The following KIAA1328 variants were observed in gnomAD, a reference collection of about 807,000 sequenced individuals.
The protein encoded by KIAA1328 is protein hinderin.
Under a neutral mutation model 68.1 loss-of-function variants are expected in KIAA1328, and 52 were observed. The ratio of observed to expected loss-of-function variants is 0.76; its 90% CI spans 0.61 to 0.96. The LOEUF is 0.96. KIAA1328 is among the 40% of genes least tolerant of loss of function. KIAA1328 has a pLI of 0.00. For missense variants in KIAA1328, 641 were observed against 677.6 expected, an observed-to-expected ratio of 0.95 and a Z score of 0.60; for synonymous variants, 232 against 239.4, an observed-to-expected ratio of 0.97 and a Z score of 0.28.
intron 7 of KIAA1328, among the ~76,000 whole-genome samples, chr18:37,143,769 T>C (rs941423004): frequency 3.3e-5 from 5 of 152,098 alleles, no homozygotes; most frequent in Non-Finnish European, 5.9e-5. Flanking sequence ...TTTTTCGGCA[T>C]TTATTGATAT....
chr18:37,187,123 C>T (rs1599545475), intron 9 of KIAA1328, among the ~76,000 whole-genome samples: 1 of 151,718 alleles, frequency 6.6e-6, no homozygotes, highest in Non-Finnish European at 1.5e-5. Flanking sequence ...GAGATCATAC[C>T]ACTATACTCC....
chr18:37,050,511 A>G (rs1016021256), intron 6 of KIAA1328, among the ~76,000 whole-genome samples: 5 of 152,208 alleles, frequency 3.3e-5, no homozygotes, highest in Non-Finnish European at 7.3e-5. Flanking sequence ...AAAACCATGT[A>G]TAAGACTGCT....
intron 6 of KIAA1328, among the ~76,000 whole-genome samples, chr18:37,009,822 A>G (rs893012741): frequency 1.1e-4 from 17 of 152,164 alleles, no homozygotes; most frequent in Non-Finnish European, 1.5e-5. Context: ...ATAGCCCCAG[A>G]TTTTGTACTT....
intron 7 of KIAA1328, among the ~76,000 whole-genome samples, chr18:37,118,859 G>A (rs1181406290): frequency 6.6e-6 from 1 of 152,122 alleles, no homozygotes; most frequent in Non-Finnish European, 1.5e-5. Context: ...GGAGGAAACA[G>A]CACCATATAT....
At chr18:37,102,202 A>G (rs572121368) in intron 7 of KIAA1328, among the ~76,000 whole-genome samples, 10 of 152,350 alleles carry the variant, frequency 6.6e-5, no homozygotes. Flanking sequence ...GCTTCAACAT[A>G]TGCAATTCAC....
At chr18:36,917,906 G>A (rs1268594520) in intron 5 of KIAA1328, among the ~76,000 whole-genome samples, 1 of 152,210 alleles carries the variant, frequency 6.6e-6, no homozygotes, top group Non-Finnish European at 1.5e-5. Context: ...GTCCCTTCTA[G>A]TTGGCACCTC....
chr18:37,009,737 T>C (rs1343636718), intron 6 of KIAA1328, among the ~76,000 whole-genome samples: 1 of 152,148 alleles, frequency 6.6e-6, no homozygotes, highest in Non-Finnish European at 1.5e-5. Flanking sequence ...TTTATGGATA[T>C]AAGATGGATA....
chr18:37,179,801 A>G (rs2059663889), intron 9 of KIAA1328, among the ~76,000 whole-genome samples: 1 of 152,160 alleles, frequency 6.6e-6, no homozygotes, highest in South Asian at 2.1e-4. Context: ...TTAAAGTACC[A>G]GAACAACTGA....
intron 5 of KIAA1328, among the ~76,000 whole-genome samples, chr18:36,926,482 A>G (rs1379853603): frequency 6.6e-6 from 1 of 152,060 alleles, no homozygotes; most frequent in African/African-American, 2.4e-5. Flanking sequence ...GTCACATGAT[A>G]CCCACAAGGT....
At chr18:37,170,046 A>T (rs959055172) in intron 8 of KIAA1328, among the ~76,000 whole-genome samples, 3 of 152,060 alleles carry the variant, frequency 2.0e-5, no homozygotes, top group African/African-American at 7.2e-5. Flanking sequence ...TTCTACTCCT[A>T]TTTGTCTGTC....
intron 5 of KIAA1328, among the ~76,000 whole-genome samples, chr18:36,952,729 T>G (rs971951441): frequency 6.6e-6 from 1 of 152,084 alleles, no homozygotes; most frequent in Non-Finnish European, 1.5e-5. Flanking sequence ...GCTTGGCGGG[T>G]CTTTTTTGCA....
At chr18:37,095,706 AAAAAAATTGT>A (rs1373980811) in intron 7 of KIAA1328, among the ~76,000 whole-genome samples, 1 of 151,996 alleles carries the variant, frequency 6.6e-6, no homozygotes, top group African/African-American at 2.4e-5. Context: ...CCAATGAAAT[AAAAAAATTGT>A]ATTTTTTGGA....
chr18:36,934,311 T>C (rs1237415877), intron 5 of KIAA1328, among the ~76,000 whole-genome samples: 1 of 152,140 alleles, frequency 6.6e-6, no homozygotes, highest in Non-Finnish European at 1.5e-5. Flanking sequence ...ATATTTATTT[T>C]ATTTTATTAT....
chr18:37,088,768 A>G (rs1264358887), intron 7 of KIAA1328, among the ~76,000 whole-genome samples: 2 of 152,000 alleles, frequency 1.3e-5, no homozygotes, highest in Non-Finnish European at 2.9e-5. Flanking sequence ...GTATTTTTAT[A>G]TTATAAATTT....
At chr18:37,045,085 A>C (rs1375800643) in intron 6 of KIAA1328, among the ~76,000 whole-genome samples, 1 of 152,196 alleles carries the variant, frequency 6.6e-6, no homozygotes, top group African/African-American at 2.4e-5. Flanking sequence ...AGCACTAAAA[A>C]TCTCAGTAAG....
chr18:36,956,719 C>T (rs2051435054), intron 5 of KIAA1328, among the ~76,000 whole-genome samples: 1 of 152,142 alleles, frequency 6.6e-6, no homozygotes, highest in Non-Finnish European at 1.5e-5. Flanking sequence ...CTTGATTTTT[C>T]CAGAGTAAAA....
intron 6 of KIAA1328, among the ~76,000 whole-genome samples, chr18:36,971,552 C>T (rs1050505993): frequency 1.1e-4 from 16 of 152,062 alleles, no homozygotes; most frequent in African/African-American, 3.6e-4. Flanking sequence ...TCGCTTGAAC[C>T]CAGGAGGCAG....
intron 9 of KIAA1328, among the ~76,000 whole-genome samples, chr18:37,175,765 A>C (rs888153346): frequency 6.6e-6 from 1 of 152,214 alleles, no homozygotes; most frequent in African/African-American, 2.4e-5. Context: ...ATGTAAGAGA[A>C]GAGCCTATTG....
At chr18:36,928,130 T>A (rs981421387) in intron 5 of KIAA1328, among the ~76,000 whole-genome samples, 5 of 152,178 alleles carry the variant, frequency 3.3e-5, no homozygotes, top group Non-Finnish European at 1.5e-5. Flanking sequence ...ATTTTTTTTA[T>A]ATCAGTGTTG....
Sources: allele counts gnomAD v4.1 joint callset (sites outside exome capture counted in the v4.1 genomes callset), GRCh38; gene constraint gnomAD v4.1.1; transcripts MANE v1.5; gene names NCBI Gene and HGNC (gene_info 2026-07-23, HGNC 2026-07-21).